LAMP3: variants seen among roughly 807,000 people sequenced by gnomAD.
The protein encoded by LAMP3 is lysosome associated membrane protein 3, also known as lysosome-associated membrane glycoprotein 3.
LAMP3 carries 26 observed loss-of-function variants against 34.8 expected under a neutral mutation model. The observed-to-expected ratio is 0.75, with a 90% CI of 0.55 to 1.04. LAMP3 has a LOEUF of 1.04. Ranked by LOEUF, LAMP3 falls within the 50% of genes least tolerant of loss-of-function variation. LAMP3 has a pLI of 0.00. For synonymous variants in LAMP3, 180 were observed against 201.9 expected (o/e 0.89, Z 0.92); for missense variants, 495 against 524.0 (o/e 0.94, Z 0.54).
At chr3:183,133,230 AG>A in intron 5 of LAMP3, among the ~76,000 whole-genome samples, 1 of 152,358 alleles carries the variant, frequency 6.6e-6, no homozygotes, top group Non-Finnish European at 1.5e-5. Context: ...AGCTGAGGCC[AG>A]GGGAATTCTG....
chr3:183,162,898 C>T, upstream of LAMP3: 1 of 495,360 alleles, frequency 2.0e-6, no homozygotes, highest in African/African-American at 2.0e-5. Context: ...GACCGTTTAC[C>T]GCACGCGCGT....
chr3:183,129,975 G>A (rs767877500), intron 5 of LAMP3, among the ~76,000 whole-genome samples: 14 of 152,192 alleles, frequency 9.2e-5, no homozygotes, highest in Admixed American at 3.9e-4. Context: ...GGAAGACCAC[G>A]TGAAGACACA....
Position 183,140,531 on chromosome 3 carries a change from T to TACTA in LAMP3, c.946+3_946+6dup. 1 of 1,561,880 alleles carries TACTA rather than the reference T, an allele frequency of 6.4e-7. No individual in the cohort carries two copies. The highest frequency in any genetic ancestry group is 1.7e-5 in the Admixed American group (1 of 59,588). Reference sequence around the variant, plus strand: ...GCTGGTCGAATGGGCATTCTGTAATTACTAACCTGGATCTGAGACGGTCAA... The same window carrying TACTA: ...GCTGGTCGAATGGGCATTCTGTAATTACTAACTAACCTGGATCTGAGACGGTCAA... On this transcript the variant is annotated splice_region_variant and intron_variant, in intron 4 of 5. Coordinates refer to ENST00000265598, the MANE Select transcript of LAMP3 (RefSeq NM_014398.4).
intron 1 of LAMP3, among the ~76,000 whole-genome samples, chr3:183,158,889 T>C (rs1297071675): frequency 6.9e-6 from 1 of 145,750 alleles, no homozygotes; most frequent in Non-Finnish European, 1.5e-5. Flanking sequence ...TTTTTTTTTG[T>C]CTTTGTTTTT....
At chr3:183,146,678 C>T (rs940101799) in intron 3 of LAMP3, among the ~76,000 whole-genome samples, 1 of 151,864 alleles carries the variant, frequency 6.6e-6, no homozygotes, top group Non-Finnish European at 1.5e-5. Flanking sequence ...CAGGAATGCG[C>T]CACCACGTCC....
chr3:183,146,287 T>C (rs1720436323), intron 3 of LAMP3, among the ~76,000 whole-genome samples: 1 of 152,332 alleles, frequency 6.6e-6, no homozygotes, highest in South Asian at 2.1e-4. Flanking sequence ...AAGACTTATC[T>C]GGCCTCAAAT....
chr3:183,137,774 C>T (rs7640181), intron 4 of LAMP3, among the ~76,000 whole-genome samples: 12,681 of 151,842 alleles, frequency 0.084, 1,809 homozygotes, highest in African/African-American at 0.29. Context: ...GATTTTCCCA[C>T]ACCCTCAGCT....
intron 1 of LAMP3, among the ~76,000 whole-genome samples, chr3:183,159,549 C>A (rs1380282435): frequency 1.3e-5 from 2 of 152,176 alleles, no homozygotes; most frequent in Non-Finnish European, 2.9e-5. Context: ...ACAGTTTAGC[C>A]CCCAGCATGT....
chr3:183,162,781 C>G, upstream of LAMP3: 1 of 854,044 alleles, frequency 1.2e-6, no homozygotes, highest in Non-Finnish European at 1.7e-6. Flanking sequence ...CCGAAAAGCC[C>G]GCCCAGGGCC....
chr3:183,163,290 CTTTTGTT>C (rs1235884906), upstream of LAMP3, among the ~76,000 whole-genome samples: 1 of 146,354 alleles, frequency 6.8e-6, no homozygotes, highest in Non-Finnish European at 1.5e-5. Flanking sequence ...CTTTTTATTT[CTTTTGTT>C]TTGTTTTGTT....
chr3:183,158,620 A>G (rs1420120012), intron 1 of LAMP3, among the ~76,000 whole-genome samples: 1 of 152,064 alleles, frequency 6.6e-6, no homozygotes, highest in Non-Finnish European at 1.5e-5. Context: ...TTCCCCTACA[A>G]CCAGTGGGTG....
intron 1 of LAMP3, among the ~76,000 whole-genome samples, chr3:183,154,763 A>C (rs1403656652): frequency 6.6e-6 from 1 of 152,204 alleles, no homozygotes; most frequent in African/African-American, 2.4e-5. Context: ...GACATAAAAT[A>C]GTGTTCCTGG....
At chr3:183,154,729 C>T (rs947367594) in intron 1 of LAMP3, among the ~76,000 whole-genome samples, 2 of 152,166 alleles carry the variant, frequency 1.3e-5, no homozygotes, top group Admixed American at 1.3e-4. Context: ...CATTCTCCAC[C>T]TTCAAATGTG....
In LAMP3 at chr3:183,129,806, A is replaced by C. The variant is rs1353466473; in HGVS notation, c.1118-5592T>G. ...ATCCCCTCCCTGCCCCCAAATTTAC[A>C]TGGTGAAGCCCTAACTTCCAGGACC... On this transcript the variant is annotated intron_variant, in intron 5 of 5. Coordinates refer to ENST00000265598, the MANE Select transcript of LAMP3 (RefSeq NM_014398.4). 5.3e-5 allele frequency among the ~76,000 whole-genome samples: 8 copies of C among 152,156 alleles called. No individual in the cohort carries two copies. In the East Asian group the frequency reaches 1.5e-3, roughly 29 times the overall value.
At chr3:183,146,887 G>A (rs1372247978) in intron 3 of LAMP3, among the ~76,000 whole-genome samples, 1 of 151,728 alleles carries the variant, frequency 6.6e-6, no homozygotes, top group African/African-American at 2.4e-5. Flanking sequence ...GAAAGATCTA[G>A]ATTTCTGCCT....
Position 183,154,151 on chromosome 3 carries a change from G to A in LAMP3, c.290C>T (p.Thr97Ile). The change falls in exon 2 of 6, where the codon ACC (threonine) becomes ATC (isoleucine). Residue 97 changes from threonine (T) to isoleucine (I), a missense_variant. Thr to Ile is a moderately conservative substitution (Grantham distance 89). Transcript: ENST00000265598. ...GACCAGGGTGTAGGTAATTGGGCTG[G>A]TGGTTGCAGTGTTTTTTGTAGTCGC... The part of the protein sequence containing the change: ...TPATTKNTAT[T>I]SPITYTLVTT... The A allele has an allele frequency of 6.2e-7, 1 of 1,613,942 alleles. No homozygotes were observed. Among genetic ancestry groups the A allele is most frequent in the Non-Finnish European group, 8.5e-7 (1 of 1,179,896 alleles).
Position 183,122,385 on chromosome 3 carries a change from G to C in LAMP3, c.*1696C>G, listed in dbSNP as rs1037039021. 2.6e-5 allele frequency: 4 copies of C among 152,090 alleles called. No individual in the cohort carries two copies. The highest frequency in any genetic ancestry group is 9.7e-5 in the African/African-American group (4 of 41,424). 9.4% of individuals were successfully genotyped at this position (152,090 alleles called of 1,614,324 possible). A position where few individuals can be genotyped will look rare whatever the true frequency, so the allele number is the denominator to read the frequency against. ...TGACTAAGAATTCTAGGGTTATGTGGACTTTTCTGTTAACATCCTGACTTA... is the reference window on the plus strand; with the variant it reads ...TGACTAAGAATTCTAGGGTTATGTGCACTTTTCTGTTAACATCCTGACTTA... On this transcript the variant is annotated 3_prime_UTR_variant, in exon 6 of 6. Coordinates refer to ENST00000265598, the MANE Select transcript of LAMP3 (RefSeq NM_014398.4).
Position 183,122,317 on chromosome 3 carries a change from G to A in LAMP3, c.*1764C>T, listed in dbSNP as rs1719690757. Reference sequence around the variant, plus strand: ...CTTACTGAGTCATAAGGAAACACATGAGGAAAGTCAACATGGTCTCTAGGC... The same window carrying A: ...CTTACTGAGTCATAAGGAAACACATAAGGAAAGTCAACATGGTCTCTAGGC... On this transcript the variant is annotated 3_prime_UTR_variant, in exon 6 of 6. Coordinates refer to ENST00000265598, the MANE Select transcript of LAMP3 (RefSeq NM_014398.4). 1 of 152,200 alleles carries A rather than the reference G, an allele frequency of 6.6e-6. No homozygotes were observed. Among genetic ancestry groups the A allele is most frequent in the African/African-American group, 2.4e-5 (1 of 41,458 alleles). 9.4% of individuals were successfully genotyped at this position (152,200 alleles called of 1,614,324 possible).
chr3:183,152,632 C>A, intron 2 of LAMP3, 129 bp from the exon 3 acceptor site: 1 of 723,488 alleles, frequency 1.4e-6, no homozygotes, highest in Admixed American at 2.8e-5. Context: ...TGCAAAGTCC[C>A]CAGACAACAC....
Sources: gnomAD v4.1 joint callset for allele counts (sites outside exome capture counted in the v4.1 genomes callset) on GRCh38, gnomAD v4.1.1 for gene constraint, MANE v1.5 for transcripts, NCBI Gene and HGNC (gene_info 2026-07-23, HGNC 2026-07-21) for gene names.